The following TPH2 variants were observed in gnomAD, a reference collection of about 807,000 sequenced individuals.
TPH2 encodes tryptophan hydroxylase 2.
Under a neutral mutation model 59.1 loss-of-function variants are expected in TPH2, and 27 were observed. The ratio of observed to expected loss-of-function variants is 0.46; its 90% confidence interval spans 0.34 to 0.63. The LOEUF is 0.63. TPH2 is among the 30% of genes least tolerant of loss of function. TPH2 has a pLI of 0.01. For synonymous variants in TPH2, 220 were observed against 210.5 expected (o/e 1.05, Z -0.39); for missense variants, 523 against 588.3 (o/e 0.89, Z 1.15).
At chr12:72,009,712 G>A (rs930290611) in intron 8 of TPH2, among the ~76,000 whole-genome samples, 1 of 152,246 alleles carries the variant, frequency 6.6e-6, no homozygotes. Context: ...GAGTCACAAA[G>A]GAAATGAAGG....
chr12:71,948,073 C>T (rs757225164), intron 4 of TPH2, among the ~76,000 whole-genome samples: 1 of 152,122 alleles, frequency 6.6e-6, no homozygotes, highest in Non-Finnish European at 1.5e-5. Flanking sequence ...GAAACAAGTA[C>T]TTTCTAGCAT....
At chr12:72,023,426 T>C (rs929021348) in intron 9 of TPH2, among the ~76,000 whole-genome samples, 1 of 151,050 alleles carries the variant, frequency 6.6e-6, no homozygotes. Context: ...GGTCATTTTA[T>C]GACTTCATTC....
intron 4 of TPH2, among the ~76,000 whole-genome samples, chr12:71,948,803 A>G (rs1347120375): frequency 3.9e-5 from 6 of 152,216 alleles, no homozygotes; most frequent in South Asian, 2.1e-4. Context: ...GAAAGAATTG[A>G]TTGTCTGAAA....
At chr12:71,990,516 A>G (rs1301797830) in intron 7 of TPH2, among the ~76,000 whole-genome samples, 1 of 152,224 alleles carries the variant, frequency 6.6e-6, no homozygotes, top group Non-Finnish European at 1.5e-5. Flanking sequence ...AGAATCTAAA[A>G]AAATGTAAAC....
chr12:71,947,763 C>T (rs1871234204), intron 4 of TPH2, among the ~76,000 whole-genome samples: 1 of 152,026 alleles, frequency 6.6e-6, no homozygotes, highest in Non-Finnish European at 1.5e-5. Flanking sequence ...TCGCCCACAA[C>T]ATTTGCGTAA....
intron 7 of TPH2, among the ~76,000 whole-genome samples, chr12:71,988,579 A>G (rs139339679): frequency 1.3e-5 from 2 of 152,308 alleles, no homozygotes; most frequent in African/African-American, 4.8e-5. Context: ...CGAGGACAGC[A>G]CCAAGAGGAT....
chr12:71,951,575 T>C (rs974823270), intron 5 of TPH2, among the ~76,000 whole-genome samples: 1 of 152,228 alleles, frequency 6.6e-6, no homozygotes, highest in East Asian at 1.9e-4. Flanking sequence ...CTCAAACTCC[T>C]GGGCTCAAGT....
Position 71,938,899 on chromosome 12 carries a change from G to A in TPH2, c.-88G>A. The A allele has an allele frequency of 1.8e-6, 2 of 1,137,744 alleles. No individual in the cohort carries two copies. The highest frequency in any genetic ancestry group is 2.7e-6 in the Non-Finnish European group (2 of 753,436). The allele number at this position is 1,137,744 out of a possible 1,614,324, so 70.5% of individuals were successfully genotyped here. A position where few individuals can be genotyped will look rare whatever the true frequency, so the allele number is the denominator to read the frequency against. On this transcript the variant is annotated 5_prime_UTR_variant, in exon 1 of 11. Coordinates refer to ENST00000333850, the MANE Select transcript of TPH2 (RefSeq NM_173353.4). The stretch of plus-strand genomic sequence containing the variant: ...CAGCGCCCCAAGCAGGCAGCTGATC[G>A]CACGCCCCTTCCTCTCAATCTCCGC...
rs1873732517 is a variant in TPH2 at position 72,031,827 on chromosome 12, A to G, written c.*132A>G. On this transcript the variant is annotated 3_prime_UTR_variant, in exon 11 of 11. Transcript: ENST00000333850. ...GCATGCAATTCCATATATCTATACC[A>G]TCTTGTAACTCACTGTGTTAGTATA... The G allele has an allele frequency of 1.0e-6, 1 of 1,004,640 alleles. No individual in the cohort carries two copies. The highest frequency in any genetic ancestry group is 2.4e-5 in the East Asian group (1 of 40,962). 62.2% of individuals were successfully genotyped at this position (1,004,640 alleles called of 1,614,324 possible). A position where few individuals can be genotyped will look rare whatever the true frequency, so the allele number is the denominator to read the frequency against.
At chr12:72,026,125 AGC>A (rs1429759913) in intron 9 of TPH2, among the ~76,000 whole-genome samples, 2 of 152,128 alleles carry the variant, frequency 1.3e-5, no homozygotes, top group Non-Finnish European at 2.9e-5. Context: ...CCATCTCAAA[AGC>A]AAAAGGCAAT....
intron 8 of TPH2, among the ~76,000 whole-genome samples, chr12:72,009,377 C>A (rs1873041640): frequency 6.6e-6 from 1 of 152,158 alleles, no homozygotes; most frequent in African/African-American, 2.4e-5. Context: ...AAGTCATCAT[C>A]CTTTATTGTC....
At chr12:71,997,676 T>C (rs1185830325) in intron 8 of TPH2, among the ~76,000 whole-genome samples, 4 of 152,162 alleles carry the variant, frequency 2.6e-5, no homozygotes, top group Admixed American at 2.0e-4. Flanking sequence ...CCCTGAAATG[T>C]ACCTGCTTTT....
intron 9 of TPH2, among the ~76,000 whole-genome samples, chr12:72,028,963 A>G (rs1873644264): frequency 6.6e-6 from 1 of 152,058 alleles, no homozygotes; most frequent in South Asian, 2.1e-4. Flanking sequence ...CCTTTTCTTG[A>G]TCTACTTTAA....
chr12:71,944,492 A>G lies in TPH2; in HGVS notation c.439+15A>G. 2 of 1,613,972 alleles carry G rather than the reference A, an allele frequency of 1.2e-6. No homozygotes were observed. The highest frequency in any genetic ancestry group is 1.7e-6 in the Non-Finnish European group (2 of 1,179,864). ...AGAGGAAGAAGGCAAGGGTGGTCTTAGCTTGTCGGGTAACTTTGCAATCTG... is the reference window on the plus strand; with the variant it reads ...AGAGGAAGAAGGCAAGGGTGGTCTTGGCTTGTCGGGTAACTTTGCAATCTG... On this transcript the variant is annotated intron_variant, in intron 3 of 10. Transcript: ENST00000333850.
intron 7 of TPH2, among the ~76,000 whole-genome samples, chr12:71,980,984 A>AAAT (rs1872260243): frequency 1.3e-5 from 2 of 152,340 alleles, no homozygotes; most frequent in Admixed American, 1.3e-4. Context: ...ATAGAAAAAC[A>AAAT]AATAATTAGG....
chr12:71,953,353 T>A (rs1437916583), intron 5 of TPH2, among the ~76,000 whole-genome samples: 1 of 151,942 alleles, frequency 6.6e-6, no homozygotes, highest in African/African-American at 2.4e-5. Flanking sequence ...TTTCTCTGAG[T>A]ATGAGTTTGA....
Position 71,952,855 on chromosome 12 carries a change from G to A in TPH2, c.608+3200G>A, listed in dbSNP as rs147135332. Among the ~76,000 whole-genome samples, 342 of 152,234 alleles carry A rather than the reference G, an allele frequency of 2.2e-3. 1 individual carries two copies. Among genetic ancestry groups the A allele is most frequent in the African/African-American group, 8.0e-3 (332 of 41,532 alleles). ...ATGCATGTGCTGTACCTCACACATCGCCCAACACATGACCAATGATTATAA... is the reference window on the plus strand; with the variant it reads ...ATGCATGTGCTGTACCTCACACATCACCCAACACATGACCAATGATTATAA... On this transcript the variant is annotated intron_variant, in intron 5 of 10. Transcript: ENST00000333850.
intron 8 of TPH2, among the ~76,000 whole-genome samples, chr12:72,002,005 T>C (rs991628383): frequency 7.9e-5 from 12 of 152,178 alleles, no homozygotes; most frequent in Non-Finnish European, 1.6e-4. Flanking sequence ...AGGGTGACTA[T>C]AGTCAATAAT....
chr12:71,946,039 G>A (rs556726379), intron 4 of TPH2, among the ~76,000 whole-genome samples: 14 of 152,184 alleles, frequency 9.2e-5, no homozygotes, highest in African/African-American at 2.9e-4. Context: ...GGAACCTGAC[G>A]TAGGAGCTAA....
Sources: allele counts gnomAD v4.1 joint callset (sites outside exome capture counted in the v4.1 genomes callset), GRCh38; gene constraint gnomAD v4.1.1; transcripts MANE v1.5; gene names NCBI Gene and HGNC (gene_info 2026-07-23, HGNC 2026-07-21).